The following PCDH9 variants were observed in gnomAD, a reference collection of about 807,000 sequenced individuals.
PCDH9 encodes the protein protocadherin 9, also known as protocadherin-9.
Under a neutral mutation model 70.6 loss-of-function variants are expected in PCDH9, and 24 were observed. The observed-to-expected ratio is 0.34, with a 90% confidence interval of 0.25 to 0.48. PCDH9 has a LOEUF of 0.48. Ranked by LOEUF, PCDH9 falls within the 20% of genes least tolerant of loss-of-function variation. The probability of loss-of-function intolerance (pLI) is 0.99; values close to 1 mark genes in which losing one functional copy is unlikely to be tolerated. For synonymous variants in PCDH9, 562 were observed against 558.5 expected (o/e 1.01, Z -0.09); for missense variants, 1,281 against 1,503.6 (o/e 0.85, Z 2.45).
At chr13:66,543,303 G>A (rs1047537492) in intron 4 of PCDH9, among the ~76,000 whole-genome samples, 1 of 152,128 alleles carries the variant, frequency 6.6e-6, no homozygotes, top group African/African-American at 2.4e-5. Flanking sequence ...GGGCACAGTG[G>A]CTCACGCCTG....
Position 66,368,682 on chromosome 13 carries a change from T to C in PCDH9, c.3341-63654A>G, listed in dbSNP as rs547568458. ...TACATTTATATGATTAGTGTATTAG[T>C]CCATTTTCATGCTGCTGATAAAAAC... On this transcript the variant is annotated intron_variant, in intron 4 of 4. Transcript: ENST00000377865. 1.1e-4 allele frequency among the ~76,000 whole-genome samples: 16 copies of C among 152,140 alleles called. No homozygotes were observed. In the South Asian group the frequency reaches 2.9e-3, roughly 28 times the overall value.
At chr13:66,766,306 G>A (rs1342578313) in intron 3 of PCDH9, among the ~76,000 whole-genome samples, 1 of 151,942 alleles carries the variant, frequency 6.6e-6, no homozygotes, top group African/African-American at 2.4e-5. Flanking sequence ...CCATGGTGCT[G>A]CCAAGGTAGA....
chr13:66,635,339 T>C (rs1361415976), intron 3 of PCDH9, among the ~76,000 whole-genome samples: 1 of 152,168 alleles, frequency 6.6e-6, no homozygotes, highest in East Asian at 1.9e-4. Context: ...TCTGGCTGGC[T>C]TGAGAAAGAA....
chr13:67,227,455 G>T lies in PCDH9; in HGVS notation c.986C>A (p.Thr329Lys). Residue 329 changes from threonine to lysine, a missense_variant, in exon 2 of 5, where the codon ACA (threonine) becomes AAA (lysine). Thr to Lys is a moderately conservative substitution (Grantham distance 78, BLOSUM62 -1). This residue lies in a region of PCDH9 where 798 missense variants were observed against 1,003.1 expected (regional missense o/e 0.80). Transcript: ENST00000377865. The surrounding 1 kb of genome is among the most constrained non-coding windows in gnomAD (Gnocchi z 4.6). ...GGAGCTGCCGTCACTAGCCAGCACTGTCACTTTGTGAATGGCTGTCTCCTC... is the reference window on the plus strand; with the variant it reads ...GGAGCTGCCGTCACTAGCCAGCACTTTCACTTTGTGAATGGCTGTCTCCTC... Reference protein sequence around the residue: ...DREETAIHKVTVLASDGSSTP... With the variant: ...DREETAIHKVKVLASDGSSTP... 6.2e-7 allele frequency: 1 copy of T among 1,613,888 alleles called. No individual in the cohort carries two copies. Among genetic ancestry groups the T allele is most frequent in the Non-Finnish European group, 8.5e-7 (1 of 1,179,822 alleles).
chr13:66,703,769 G>C (rs913813005), intron 3 of PCDH9, among the ~76,000 whole-genome samples: 7 of 151,964 alleles, frequency 4.6e-5, no homozygotes, highest in African/African-American at 1.5e-4. Flanking sequence ...ATAGTGGTGA[G>C]TGCCTGTAGT....
intron 2 of PCDH9, among the ~76,000 whole-genome samples, chr13:67,061,899 A>G (rs540965354): frequency 6.6e-6 from 1 of 152,278 alleles, no homozygotes; most frequent in East Asian, 1.9e-4. Context: ...AAATAAGGAA[A>G]TCAATTCCTG....
At chr13:67,051,514 T>TC (rs1226098241) in intron 2 of PCDH9, among the ~76,000 whole-genome samples, 3 of 147,310 alleles carry the variant, frequency 2.0e-5, no homozygotes, top group African/African-American at 7.6e-5. Context: ...TGCCTCAGCC[T>TC]CCCGAATAGC....
At chr13:66,797,181 T>C (rs1054111334) in intron 3 of PCDH9, among the ~76,000 whole-genome samples, 1 of 152,190 alleles carries the variant, frequency 6.6e-6, no homozygotes, top group Non-Finnish European at 1.5e-5. Context: ...TTTTAAAATA[T>C]GTGTTGCTCA....
chr13:66,735,116 G>T (rs185222351), intron 3 of PCDH9, among the ~76,000 whole-genome samples: 1 of 152,156 alleles, frequency 6.6e-6, no homozygotes, highest in African/African-American at 2.4e-5. Context: ...TCACTGAAAA[G>T]TTATATCTAC....
intron 3 of PCDH9, among the ~76,000 whole-genome samples, chr13:66,774,543 C>T (rs1448805451): frequency 3.3e-5 from 5 of 152,160 alleles, no homozygotes; most frequent in Admixed American, 6.5e-5. Context: ...CAGATTGAGG[C>T]GGCTGTGTAC....
chr13:66,743,650 G>T (rs1255982018), intron 3 of PCDH9, among the ~76,000 whole-genome samples: 1 of 152,068 alleles, frequency 6.6e-6, no homozygotes, highest in Non-Finnish European at 1.5e-5. Context: ...GATTTTAAGT[G>T]TTCTCACTAT....
At chr13:66,644,847 G>C (rs1386552249) in intron 3 of PCDH9, among the ~76,000 whole-genome samples, 2 of 151,966 alleles carry the variant, frequency 1.3e-5, no homozygotes, top group Non-Finnish European at 2.9e-5. Context: ...TTAAACAAAT[G>C]TTTATTCTCC....
chr13:66,856,622 G>A (rs2081399285), intron 3 of PCDH9, among the ~76,000 whole-genome samples: 1 of 151,870 alleles, frequency 6.6e-6, no homozygotes, highest in African/African-American at 2.4e-5. Flanking sequence ...TTTATAAGAG[G>A]TTTATCCACC....
At chr13:66,324,631 C>G (rs1437612955) in intron 4 of PCDH9, among the ~76,000 whole-genome samples, 1 of 151,978 alleles carries the variant, frequency 6.6e-6, no homozygotes, top group African/African-American at 2.4e-5. Flanking sequence ...ATTGGCCATT[C>G]TATGTAATAA....
intron 3 of PCDH9, among the ~76,000 whole-genome samples, chr13:66,835,532 C>T (rs1355277019): frequency 2.6e-5 from 4 of 152,168 alleles, no homozygotes; most frequent in African/African-American, 7.2e-5. Context: ...GCAGAGGTCA[C>T]GACACAAAAG....
chr13:67,163,695 T>C (rs926762293), intron 2 of PCDH9, among the ~76,000 whole-genome samples: 10 of 152,250 alleles, frequency 6.6e-5, no homozygotes, highest in Non-Finnish European at 1.3e-4. Context: ...ATTTAAACAC[T>C]GTATAATGTT....
chr13:66,934,399 G>A (rs1054446243), intron 2 of PCDH9, among the ~76,000 whole-genome samples: 2 of 151,678 alleles, frequency 1.3e-5, no homozygotes, highest in Non-Finnish European at 2.9e-5. Context: ...AAATTAGCTG[G>A]GTGTGGTGGC....
intron 4 of PCDH9, among the ~76,000 whole-genome samples, chr13:66,569,745 G>A (rs1477229646): frequency 6.6e-6 from 1 of 152,114 alleles, no homozygotes; most frequent in African/African-American, 2.4e-5. Flanking sequence ...GGATGATTAA[G>A]TATTAATTGA....
intron 3 of PCDH9, among the ~76,000 whole-genome samples, chr13:66,797,601 G>A (rs1051409339): frequency 2.0e-5 from 3 of 152,050 alleles, no homozygotes; most frequent in Non-Finnish European, 2.9e-5. Context: ...GTATGCTATG[G>A]CGAATAAAAC....
Sources: gnomAD v4.1 joint callset for allele counts (sites outside exome capture counted in the v4.1 genomes callset) on GRCh38, gnomAD v4.1.1 for gene constraint, gnomAD v4.1.1 regional missense constraint, Gnocchi (gnomAD v3.1) non-coding constraint, MANE v1.5 for transcripts, NCBI Gene and HGNC (gene_info 2026-07-23, HGNC 2026-07-21) for gene names.